Variants in SLC4A10 observed in about 807,000 individuals in gnomAD.
SLC4A10 encodes the protein sodium-driven chloride bicarbonate exchanger.
Under a neutral mutation model 137.7 loss-of-function variants are expected in SLC4A10, and 42 were observed. That is an observed-to-expected ratio of 0.30 (90% CI 0.24 to 0.39). The LOEUF (loss-of-function observed/expected upper bound fraction) is 0.39, where lower values mean the gene tolerates loss of function less well. Ranked by LOEUF, SLC4A10 falls within the 10% of genes least tolerant of loss-of-function variation. The probability of loss-of-function intolerance (pLI) is 1.00; values close to 1 mark genes in which losing one functional copy is unlikely to be tolerated. For synonymous variants in SLC4A10, 474 were observed against 464.1 expected (o/e 1.02, Z -0.27); for missense variants, 925 against 1,355.0 (o/e 0.68, Z 4.98).
At chr2:161,974,727 A>G (rs537943435) in intron 24 of SLC4A10, among the ~76,000 whole-genome samples, 6 of 152,320 alleles carry the variant, frequency 3.9e-5, no homozygotes, top group Admixed American at 3.9e-4. Context: ...TTCCAATGAC[A>G]TAATCTATTT....
intron 2 of SLC4A10, among the ~76,000 whole-genome samples, chr2:161,791,599 A>G (rs1422507458): frequency 6.6e-6 from 1 of 152,202 alleles, no homozygotes. Context: ...AAAACTGCAC[A>G]TATTGCCCTT....
intron 1 of SLC4A10, among the ~76,000 whole-genome samples, chr2:161,679,936 G>A (rs1435688923): frequency 6.6e-6 from 1 of 152,026 alleles, no homozygotes; most frequent in African/African-American, 2.4e-5. Context: ...GCCATGGCCT[G>A]TATTTCTAAC....
At chr2:161,979,167 TTATA>T (rs932532923) in intron 26 of SLC4A10, among the ~76,000 whole-genome samples, 6 of 152,242 alleles carry the variant, frequency 3.9e-5, no homozygotes, top group African/African-American at 1.4e-4. Context: ...TCTTCCTGTA[TTATA>T]TGGATTCAAA....
chr2:161,846,680 A>C (rs1335578027), intron 4 of SLC4A10, among the ~76,000 whole-genome samples: 1 of 152,210 alleles, frequency 6.6e-6, no homozygotes, highest in Non-Finnish European at 1.5e-5. Flanking sequence ...AATAACTTGA[A>C]TGTATATCAA....
intron 2 of SLC4A10, among the ~76,000 whole-genome samples, chr2:161,794,439 G>A (rs571152142): frequency 1.3e-5 from 2 of 152,142 alleles, no homozygotes; most frequent in South Asian, 4.1e-4. Flanking sequence ...AGGGAGCTTT[G>A]GGATGTGATA....
intron 23 of SLC4A10, among the ~76,000 whole-genome samples, chr2:161,965,874 A>C (rs1013145606): frequency 6.6e-6 from 1 of 152,188 alleles, no homozygotes; most frequent in Non-Finnish European, 1.5e-5. Flanking sequence ...TAAAAACTAC[A>C]AAGAGTGTAA....
chr2:161,961,439 T>C (rs1696695901), intron 21 of SLC4A10, among the ~76,000 whole-genome samples: 1 of 152,228 alleles, frequency 6.6e-6, no homozygotes, highest in Non-Finnish European at 1.5e-5. Context: ...AGATTTAATT[T>C]GCTCATTTAA....
At chr2:161,781,147 A>G (rs2052967125) in intron 2 of SLC4A10, among the ~76,000 whole-genome samples, 1 of 152,054 alleles carries the variant, frequency 6.6e-6, no homozygotes. Context: ...ACAAATTTTC[A>G]AAGTGAGCCA....
chr2:161,746,210 G>T (rs2048367449), intron 1 of SLC4A10, among the ~76,000 whole-genome samples: 1 of 152,080 alleles, frequency 6.6e-6, no homozygotes, highest in African/African-American at 2.4e-5. Flanking sequence ...ATCTAGAAAT[G>T]CCATCCAGGA....
chr2:161,694,408 A>G (rs943740670), intron 1 of SLC4A10, among the ~76,000 whole-genome samples: 1 of 151,852 alleles, frequency 6.6e-6, no homozygotes, highest in Non-Finnish European at 1.5e-5. Flanking sequence ...TAAACCTCAC[A>G]ATGTTAAAGA....
intron 15 of SLC4A10, among the ~76,000 whole-genome samples, chr2:161,932,064 T>C (rs929022047): frequency 1.3e-5 from 2 of 152,238 alleles, no homozygotes; most frequent in African/African-American, 2.4e-5. Flanking sequence ...TTTCAGAGTA[T>C]GAAAATGTTT....
chr2:161,983,403 C>T lies in SLC4A10; in HGVS notation c.*251C>T, dbSNP rs139641938. Reference sequence around the variant, plus strand: ...TTGTTTCATTTCTGTGTTTAAACTTCTGAGCAGTGAGACATCCCTGTGAGC... The same window carrying T: ...TTGTTTCATTTCTGTGTTTAAACTTTTGAGCAGTGAGACATCCCTGTGAGC... On this transcript the variant is annotated 3_prime_UTR_variant, in exon 27 of 27. Transcript: ENST00000446997. 164 of 641,560 alleles carry T rather than the reference C, an allele frequency of 2.6e-4. 1 individual carries two copies. In the East Asian group the frequency reaches 4.6e-3, roughly 18 times the overall value. The allele number at this position is 641,560 out of a possible 1,614,324, so 39.7% of individuals were successfully genotyped here.
intron 1 of SLC4A10, among the ~76,000 whole-genome samples, chr2:161,653,582 T>A (rs1262796884): frequency 6.6e-6 from 1 of 152,252 alleles, no homozygotes; most frequent in Non-Finnish European, 1.5e-5. Flanking sequence ...CTGTTTATTA[T>A]ACTTTCTCTT....
chr2:161,663,751 T>A (rs985834845), intron 1 of SLC4A10, among the ~76,000 whole-genome samples: 1 of 152,054 alleles, frequency 6.6e-6, no homozygotes, highest in African/African-American at 2.4e-5. Context: ...ATATAAAATT[T>A]ATTTTATCTG....
intron 15 of SLC4A10, among the ~76,000 whole-genome samples, chr2:161,929,722 T>A (rs946160442): frequency 3.3e-5 from 5 of 152,288 alleles, no homozygotes; most frequent in African/African-American, 1.2e-4. Context: ...AGTTTATTGA[T>A]GGAAACATCT....
In SLC4A10 at chr2:161,836,054, G is replaced by A. The variant is rs556247051; in HGVS notation, c.278-3735G>A. Among the ~76,000 whole-genome samples the A allele has an allele frequency of 8.5e-5, 13 of 152,354 alleles. No individual in the cohort carries two copies. In the East Asian group the frequency reaches 2.5e-3, roughly 29 times the overall value. On this transcript the variant is annotated intron_variant, in intron 3 of 26. Transcript: ENST00000446997. ...CTGTTGGTTAGATTTATCCGTGACT[G>A]ATGGCGTATTTATGGGAAAATTAGT...
intron 15 of SLC4A10, among the ~76,000 whole-genome samples, chr2:161,941,143 A>G (rs1692612886): frequency 6.6e-6 from 1 of 152,180 alleles, no homozygotes; most frequent in Non-Finnish European, 1.5e-5. Flanking sequence ...AGAAAACAAC[A>G]ATGTTCCTAA....
intron 17 of SLC4A10, 116 bp downstream of exon 17, chr2:161,947,843 T>C (rs1356906646): frequency 8.6e-7 from 1 of 1,161,032 alleles, no homozygotes; most frequent in Non-Finnish European, 1.2e-6. Flanking sequence ...GCCAGGTTAG[T>C]TGTGGAGTGA....
At chr2:161,879,750 G>A (rs1314092774) in intron 9 of SLC4A10, among the ~76,000 whole-genome samples, 2 of 151,962 alleles carry the variant, frequency 1.3e-5, no homozygotes, top group Non-Finnish European at 2.9e-5. Context: ...CCATCGTTAG[G>A]ATAGCGTCAA....
Sources: gnomAD v4.1 joint callset for allele counts (sites outside exome capture counted in the v4.1 genomes callset) on GRCh38, gnomAD v4.1.1 for gene constraint, MANE v1.5 for transcripts, NCBI Gene and HGNC (gene_info 2026-07-23, HGNC 2026-07-21) for gene names.